Variants in ATXN1 observed in about 807,000 individuals in gnomAD.
The protein encoded by ATXN1 is ataxin 1.
A neutral mutation model predicts 56.4 loss-of-function variants in ATXN1; 8 were observed. The observed-to-expected ratio is 0.14, with a 90% CI of 0.08 to 0.26. The LOEUF is 0.26. ATXN1 is among the 10% of genes least tolerant of loss of function. The pLI is 1.00. For synonymous variants in ATXN1, 514 were observed against 494.6 expected (o/e 1.04, Z -0.52); for missense variants, 987 against 1,106.5 (o/e 0.89, Z 1.53).
chr6:16,565,365 A>G (rs1324587769), intron 4 of ATXN1, among the ~76,000 whole-genome samples: 1 of 152,194 alleles, frequency 6.6e-6, no homozygotes, highest in African/African-American at 2.4e-5. Flanking sequence ...TTACTGAAAA[A>G]TCATTCCCCA....
intron 6 of ATXN1, among the ~76,000 whole-genome samples, chr6:16,336,021 T>C (rs1761115364): frequency 6.6e-6 from 1 of 152,274 alleles, no homozygotes; most frequent in Admixed American, 6.5e-5. Context: ...TAATTTATTA[T>C]GGCAGCCCTA....
chr6:16,693,974 A>G (rs1271368394), intron 2 of ATXN1, among the ~76,000 whole-genome samples: 3 of 152,246 alleles, frequency 2.0e-5, no homozygotes, highest in Non-Finnish European at 4.4e-5. Context: ...GGCCTTGCCT[A>G]ATCTTCAAGG....
chr6:16,734,714 G>C (rs940422874), intron 2 of ATXN1, among the ~76,000 whole-genome samples: 3 of 152,108 alleles, frequency 2.0e-5, no homozygotes, highest in South Asian at 4.1e-4. Flanking sequence ...GGCTGGTCTC[G>C]AACTATGGAC....
At chr6:16,584,236 A>C (rs994627258) in intron 4 of ATXN1, among the ~76,000 whole-genome samples, 1 of 129,100 alleles carries the variant, frequency 7.7e-6, no homozygotes, top group Non-Finnish European at 1.6e-5. Context: ...ATATATATAT[A>C]TATATATACA....
chr6:16,541,396 G>A (rs902251482), intron 4 of ATXN1, among the ~76,000 whole-genome samples: 2 of 152,196 alleles, frequency 1.3e-5, no homozygotes, highest in Middle Eastern at 3.2e-3. Context: ...TAGCTTCCCA[G>A]CTTGAGCGTC....
chr6:16,386,532 T>C (rs1758243815), intron 6 of ATXN1, among the ~76,000 whole-genome samples: 1 of 152,160 alleles, frequency 6.6e-6, no homozygotes, highest in African/African-American at 2.4e-5. Flanking sequence ...ATAAAACCAA[T>C]ACATTAACAT....
intron 2 of ATXN1, among the ~76,000 whole-genome samples, chr6:16,673,907 T>C (rs562992103): frequency 1.8e-4 from 27 of 152,312 alleles, no homozygotes; most frequent in Non-Finnish European, 3.5e-4. Flanking sequence ...GATCAAAAAG[T>C]GTCTCCAAAC....
intron 3 of ATXN1, among the ~76,000 whole-genome samples, chr6:16,604,131 T>C (rs1342177156): frequency 6.6e-6 from 1 of 152,016 alleles, no homozygotes; most frequent in African/African-American, 2.4e-5. Flanking sequence ...TAACCAAGTC[T>C]GCACATGGGA....
At chr6:16,542,176 T>G in intron 4 of ATXN1, among the ~76,000 whole-genome samples, 1 of 151,808 alleles carries the variant, frequency 6.6e-6, no homozygotes, top group East Asian at 1.9e-4. Flanking sequence ...TGCTCTTGAG[T>G]GCCTAGTGGG....
chr6:16,463,752 A>G lies in ATXN1; in HGVS notation c.-161+22220T>C, dbSNP rs141639027. ...CAATGCCTTTCAAACTCTTATACCAACCTCTAGAGTTGGGCAACATGGTTT... is the reference window on the plus strand; with the variant it reads ...CAATGCCTTTCAAACTCTTATACCAGCCTCTAGAGTTGGGCAACATGGTTT... On this transcript the variant is annotated intron_variant, in intron 6 of 7. Coordinates refer to ENST00000436367, the MANE Select transcript of ATXN1 (RefSeq NM_001128164.2). Among the ~76,000 whole-genome samples the G allele has an allele frequency of 2.5e-3, 383 of 152,174 alleles. 1 individual carries two copies. The highest frequency in any genetic ancestry group is 8.6e-3 in the African/African-American group (358 of 41,510).
chr6:16,669,020 TA>T (rs1463535675), intron 2 of ATXN1, among the ~76,000 whole-genome samples: 1 of 152,116 alleles, frequency 6.6e-6, no homozygotes. Context: ...ACACTTTGTA[TA>T]AAATGAGAGC....
At chr6:16,315,767 A>G (rs576235440) in intron 7 of ATXN1, among the ~76,000 whole-genome samples, 4 of 152,094 alleles carry the variant, frequency 2.6e-5, no homozygotes, top group Non-Finnish European at 5.9e-5. Flanking sequence ...GGCTCAAGAT[A>G]TCTTCCTGCC....
intron 6 of ATXN1, among the ~76,000 whole-genome samples, chr6:16,457,881 C>G (rs1215366295): frequency 1.3e-5 from 2 of 152,186 alleles, no homozygotes; most frequent in African/African-American, 2.4e-5. Context: ...AGTTATGTCT[C>G]CTTTAAGCTG....
chr6:16,556,612 C>G (rs1007131342), intron 4 of ATXN1, among the ~76,000 whole-genome samples: 1 of 152,160 alleles, frequency 6.6e-6, no homozygotes, highest in Non-Finnish European at 1.5e-5. Context: ...ATTATAAAAG[C>G]CCTACAAACG....
chr6:16,504,446 G>A (rs544631967), intron 5 of ATXN1, among the ~76,000 whole-genome samples: 1 of 152,230 alleles, frequency 6.6e-6, no homozygotes, highest in Admixed American at 6.5e-5. Flanking sequence ...TAAAAGAGTG[G>A]TAGCACCCCC....
intron 4 of ATXN1, among the ~76,000 whole-genome samples, chr6:16,581,179 C>T (rs565750289): frequency 2.7e-5 from 4 of 149,706 alleles, no homozygotes; most frequent in African/African-American, 9.9e-5. Flanking sequence ...GAAAAGACCC[C>T]ATGTTCGAGA....
At chr6:16,587,275 G>T (rs879592874) in intron 3 of ATXN1, among the ~76,000 whole-genome samples, 3 of 152,122 alleles carry the variant, frequency 2.0e-5, no homozygotes, top group African/African-American at 7.2e-5. Flanking sequence ...CTGCCTAAGC[G>T]GCTAAATTTC....
At chr6:16,545,342 G>T (rs1761794421) in intron 4 of ATXN1, among the ~76,000 whole-genome samples, 1 of 151,908 alleles carries the variant, frequency 6.6e-6, no homozygotes, top group African/African-American at 2.4e-5. Context: ...CTTCTGGGGA[G>T]ACAGTTGTAT....
chr6:16,403,121 GCACACACATGTA>G (rs1248668786), intron 6 of ATXN1, among the ~76,000 whole-genome samples: 1 of 152,074 alleles, frequency 6.6e-6, no homozygotes, highest in Admixed American at 6.6e-5. Flanking sequence ...CGTCACACAT[GCACACACATGTA>G]CACACACATA....
Sources: allele counts gnomAD v4.1 joint callset (sites outside exome capture counted in the v4.1 genomes callset), GRCh38; gene constraint gnomAD v4.1.1; transcripts MANE v1.5; gene names NCBI Gene and HGNC (gene_info 2026-07-23, HGNC 2026-07-21).